The following LYRM4 variants were observed in gnomAD, a reference collection of about 807,000 sequenced individuals.
The protein encoded by LYRM4 is LYR motif containing 4, also known as LYR motif-containing protein 4.
LYRM4 carries 9 observed loss-of-function variants against 11.7 expected under a neutral mutation model. The observed-to-expected ratio is 0.77, with a 90% CI of 0.46 to 1.34. The LOEUF (loss-of-function observed/expected upper bound fraction) is 1.34, where lower values mean the gene tolerates loss of function less well. Ranked by LOEUF, LYRM4 falls within the 40% of genes most tolerant of loss-of-function variation. LYRM4 has a pLI of 0.00. For synonymous variants in LYRM4, 42 were observed against 40.4 expected, an observed-to-expected ratio of 1.04 and a Z score of -0.15; for missense variants, 133 against 112.5, an observed-to-expected ratio of 1.18 and a Z score of -0.82.
chr6:5,109,509 A>G lies in LYRM4; in HGVS notation c.208-18T>C, dbSNP rs763148673. The G allele has an allele frequency of 6.2e-7, 1 of 1,612,184 alleles. No homozygotes were observed. The highest frequency in any genetic ancestry group is 1.7e-5 in the Admixed American group (1 of 60,016). ...ATGTGGACCTGAAGGCAAAGAAAGG[A>G]CACAGGTCAGGAACCGTGGCCCTCT... On this transcript the variant is annotated intron_variant, in intron 2 of 2. Coordinates refer to ENST00000330636, the MANE Select transcript of LYRM4 (RefSeq NM_020408.6).
chr6:5,260,861 G>A lies in LYRM4; in HGVS notation c.-128C>T. The A allele has an allele frequency of 6.7e-7, 1 of 1,484,838 alleles. No homozygotes were observed. Among genetic ancestry groups the A allele is most frequent in the East Asian group, 2.5e-5 (1 of 40,138 alleles). 92.0% of individuals were successfully genotyped at this position (1,484,838 alleles called of 1,614,324 possible). On this transcript the variant is annotated 5_prime_UTR_variant, in exon 1 of 3. Coordinates refer to ENST00000330636, the MANE Select transcript of LYRM4 (RefSeq NM_020408.6). ...TGCTGCGGCTCGGCTTTGCCAGCGGGCCGGGCCTAAGCCTAAGCGGGCAGC... is the reference window on the plus strand; with the variant it reads ...TGCTGCGGCTCGGCTTTGCCAGCGGACCGGGCCTAAGCCTAAGCGGGCAGC...
In LYRM4 at chr6:5,245,104, AAAAAAAAAAATATATATATATATAT is replaced by A. The variant is rs1313332685; in HGVS notation, c.86+15519_86+15543del. Among the ~76,000 whole-genome samples, 131 of 57,104 alleles carry A rather than the reference AAAAAAAAAAATATATATATATATAT, an allele frequency of 2.3e-3. 7 individuals are homozygous for A. Among genetic ancestry groups the A allele is most frequent in the African/African-American group, 7.3e-3 (112 of 15,436 alleles). 37.5% of individuals were successfully genotyped at this position (57,104 alleles called of 152,430 possible). On this transcript the variant is annotated intron_variant, in intron 1 of 2. Transcript: ENST00000330636. ...AGGAAGACCTTAAAAAAAAAAAAAA[AAAAAAAAAAATATATATATATATAT>A]ATATATATATATATATATATATATA...
intron 2 of LYRM4, among the ~76,000 whole-genome samples, chr6:5,195,399 C>G (rs1422001369): frequency 6.6e-6 from 1 of 151,754 alleles, no homozygotes; most frequent in Non-Finnish European, 1.5e-5. Context: ...CACTTGAGGT[C>G]AGGAGTTTGA....
chr6:5,097,128 C>T, the LYRM4 span, among the ~76,000 whole-genome samples: 96,929 of 152,086 alleles, frequency 0.64, 31,710 homozygotes, highest in East Asian at 0.8. Flanking sequence ...GAGCTGCATG[C>T]GGTGAGGGCC....
intron 2 of LYRM4, among the ~76,000 whole-genome samples, chr6:5,129,772 T>C (rs461465): frequency 0.91 from 138,816 of 152,270 alleles, 63,343 homozygotes; most frequent in South Asian, 0.93. Flanking sequence ...TTTTTAAAAA[T>C]GTAATGTATC....
the LYRM4 span, among the ~76,000 whole-genome samples, chr6:5,036,756 C>T: frequency 1.3e-5 from 2 of 152,218 alleles, no homozygotes; most frequent in Non-Finnish European, 2.9e-5. Flanking sequence ...ATGAGCTTCC[C>T]TTCAGCCCAA....
chr6:5,096,690 T>G, the LYRM4 span, among the ~76,000 whole-genome samples: 1 of 152,200 alleles, frequency 6.6e-6, no homozygotes, highest in East Asian at 1.9e-4. Flanking sequence ...GAGTGAGTTT[T>G]CATGCTTGCA....
chr6:5,231,095 G>A (rs1004109101), intron 1 of LYRM4, among the ~76,000 whole-genome samples: 2 of 152,270 alleles, frequency 1.3e-5, no homozygotes, highest in Admixed American at 6.5e-5. Context: ...TGGCCAATGT[G>A]GTGAAACCGT....
chr6:5,153,124 G>A (rs1280992180), intron 2 of LYRM4, among the ~76,000 whole-genome samples: 1 of 152,060 alleles, frequency 6.6e-6, no homozygotes, highest in African/African-American at 2.4e-5. Flanking sequence ...GTGAGAGAGG[G>A]TCTCGTTCTG....
rs550150909 is a variant in LYRM4, at chr6:5,203,300, G to A, written c.207+13318C>T. On this transcript the variant is annotated intron_variant, in intron 2 of 2. Transcript: ENST00000330636. ...CCATTCTACGCACATGGGTATGGAG[G>A]AAAAGACAACTGTGAAATCAGGCCT... Among the ~76,000 whole-genome samples the A allele has an allele frequency of 3.3e-5, 5 of 152,256 alleles. No homozygotes were observed. In the East Asian group the frequency reaches 9.6e-4, roughly 29 times the overall value.
intron 2 of LYRM4, among the ~76,000 whole-genome samples, chr6:5,189,697 C>A (rs934323166): frequency 1.3e-5 from 2 of 152,114 alleles, no homozygotes; most frequent in Non-Finnish European, 2.9e-5. Flanking sequence ...AATTTGTCTA[C>A]GATGCTAGCC....
intron 2 of LYRM4, among the ~76,000 whole-genome samples, chr6:5,204,618 T>A (rs541411077): frequency 6.6e-6 from 1 of 152,088 alleles, no homozygotes; most frequent in Admixed American, 6.5e-5. Context: ...GCCTCACTGC[T>A]TACCCTCTCT....
chr6:5,092,251 G>C, the LYRM4 span, among the ~76,000 whole-genome samples: 142,426 of 152,224 alleles, frequency 0.94, 66,741 homozygotes, highest in African/African-American at 0.98. Context: ...CCTTGCTGTG[G>C]TCTGAGGATG....
chr6:5,143,608 T>C (rs1757532616), intron 2 of LYRM4, among the ~76,000 whole-genome samples: 1 of 152,192 alleles, frequency 6.6e-6, no homozygotes, highest in Non-Finnish European at 1.5e-5. Flanking sequence ...ATCGGCTTTG[T>C]CATCTCTCTC....
At chr6:5,047,965 A>G in the LYRM4 span, among the ~76,000 whole-genome samples, 1 of 152,212 alleles carries the variant, frequency 6.6e-6, no homozygotes, top group African/African-American at 2.4e-5. Flanking sequence ...TAAAGTTGGA[A>G]GATGACTTAA....
At chr6:5,252,087 T>G (rs528137612) in intron 1 of LYRM4, among the ~76,000 whole-genome samples, 3 of 152,202 alleles carry the variant, frequency 2.0e-5, no homozygotes, top group Admixed American at 6.5e-5. Context: ...AGCACTTAGG[T>G]TGATCAGGAC....
chr6:5,138,144 T>C (rs2127620222), intron 2 of LYRM4, among the ~76,000 whole-genome samples: 1 of 152,108 alleles, frequency 6.6e-6, no homozygotes, highest in East Asian at 1.9e-4. Flanking sequence ...GAAAGTAAAT[T>C]TCATGATGAC....
At chr6:5,066,442 C>T in the LYRM4 span, 7 of 755,352 alleles carry the variant, frequency 9.3e-6, no homozygotes, top group Non-Finnish European at 1.7e-5. Context: ...GTCCAAGGAA[C>T]TGCTTCTATT....
chr6:5,085,940 A>G, the LYRM4 span: 1 of 1,526,994 alleles, frequency 6.5e-7, no homozygotes, highest in Non-Finnish European at 8.7e-7. Flanking sequence ...AGCGAGGCGG[A>G]GGAGCCGCAG....
Sources: allele counts gnomAD v4.1 joint callset (sites outside exome capture counted in the v4.1 genomes callset), GRCh38; gene constraint gnomAD v4.1.1; transcripts MANE v1.5; gene names NCBI Gene and HGNC (gene_info 2026-07-23, HGNC 2026-07-21).